Variants in HPD observed in about 807,000 individuals in gnomAD.
HPD encodes 4-hydroxyphenylpyruvic acid oxidase.
Under a neutral mutation model 56.9 loss-of-function variants are expected in HPD, and 35 were observed. The observed-to-expected ratio is 0.62, with a 90% CI of 0.47 to 0.82. HPD has a LOEUF of 0.82. HPD is among the 40% of genes least tolerant of loss of function. HPD has a pLI of 0.00. For missense variants in HPD, 442 were observed against 506.8 expected, an observed-to-expected ratio of 0.87 and a Z score of 1.23; for synonymous variants, 186 against 200.2, an observed-to-expected ratio of 0.93 and a Z score of 0.60.
chr12:121,869,901 C>T, the HPD span, among the ~76,000 whole-genome samples: 2 of 152,268 alleles, frequency 1.3e-5, no homozygotes, highest in South Asian at 4.1e-4. Flanking sequence ...ACCTGTTCTT[C>T]AGTCACTTGT....
rs777759281 is a variant in HPD at position 121,847,155 on chromosome 12, G to T, written c.656C>A (p.Thr219Lys). ...FWSVDDTQVHTEYSSLRSIVV... is the reference protein window; with the variant it reads ...FWSVDDTQVHKEYSSLRSIVV... ...AATGGATCGCAGAGAGCTATATTCCGTGTGCACCTGCGTGTCATCCACGGA... is the reference window on the plus strand; with the variant it reads ...AATGGATCGCAGAGAGCTATATTCCTTGTGCACCTGCGTGTCATCCACGGA... Residue 219 changes from threonine to lysine, a missense_variant, in exon 10 of 14, where the codon ACG (threonine) becomes AAG (lysine). Coordinates refer to ENST00000289004, the MANE Select transcript of HPD (RefSeq NM_002150.3). 1.2e-6 allele frequency: 2 copies of T among 1,613,942 alleles called. No homozygotes were observed. The highest frequency in any genetic ancestry group is 1.3e-5 in the African/African-American group (1 of 74,898).
chr12:121,869,243 A>C, the HPD span, among the ~76,000 whole-genome samples: 1 of 151,736 alleles, frequency 6.6e-6, no homozygotes, highest in Admixed American at 6.6e-5. Flanking sequence ...CCAGCTGCTC[A>C]GGAGACTGAG....
At position 121,856,645 on chromosome 12, in the gene HPD, A is replaced by G; in HGVS notation, c.199-20T>C. 1 of 1,613,710 alleles carries G rather than the reference A, an allele frequency of 6.2e-7. No individual in the cohort carries two copies. The highest frequency in any genetic ancestry group is 1.6e-4 in the Middle Eastern group (1 of 6,062). ...CACAATCTAAGATAGGAGGAGAAGG[A>G]GGTGAGGCTAGTGGCTCAGGGGGGC... On this transcript the variant is annotated intron_variant, in intron 4 of 13. Coordinates refer to ENST00000289004, the MANE Select transcript of HPD (RefSeq NM_002150.3).
chr12:121,859,099 C>A (rs1878108856), upstream of HPD: 1 of 534,110 alleles, frequency 1.9e-6, no homozygotes, highest in East Asian at 3.3e-5. Context: ...GCAAGCTTTT[C>A]CAGGACGCTG....
chr12:121,862,298 CTTT>C (rs1208844264), upstream of HPD, among the ~76,000 whole-genome samples: 5 of 140,302 alleles, frequency 3.6e-5, no homozygotes, highest in African/African-American at 5.2e-5. Flanking sequence ...CTCTGCATTT[CTTT>C]TTTTTTTTTT....
intron 9 of HPD, 24 bp downstream of exon 9, chr12:121,848,975 A>G: frequency 6.3e-7 from 1 of 1,586,536 alleles, no homozygotes; most frequent in Non-Finnish European, 8.7e-7. Context: ...ATCTTCACGC[A>G]GAGGGAGAGG....
chr12:121,843,970 C>G, intron 11 of HPD, 138 bp from the exon 12 acceptor site: 1 of 924,662 alleles, frequency 1.1e-6, no homozygotes, highest in Non-Finnish European at 1.7e-6. Context: ...TGGCCTCTTC[C>G]CCTTTCTTCT....
intron 7 of HPD, among the ~76,000 whole-genome samples, chr12:121,850,420 C>T (rs1185903905): frequency 1.5e-5 from 2 of 129,754 alleles, no homozygotes; most frequent in South Asian, 2.6e-4. Flanking sequence ...GAATGAGACT[C>T]CGTCTCAAAA....
chr12:121,880,805 GTTA>G, the HPD span, among the ~76,000 whole-genome samples: 1 of 151,850 alleles, frequency 6.6e-6, no homozygotes, highest in Admixed American at 6.6e-5. Flanking sequence ...TCTTATTATT[GTTA>G]TTATTTTCAA....
At chr12:121,846,806 A>T in intron 11 of HPD, 56 bp downstream of exon 11, 2 of 1,561,576 alleles carry the variant, frequency 1.3e-6, no homozygotes. Context: ...AATTTTGCAG[A>T]GATCGTCCCT....
intron 12 of HPD, 33 bp from the exon 13 acceptor site, chr12:121,840,081 G>A (rs1266325024): frequency 1.4e-6 from 2 of 1,413,324 alleles, no homozygotes; most frequent in Non-Finnish European, 1.0e-6. Context: ...TGCTAGGGGA[G>A]GCTGGCACGG....
At chr12:121,855,972 C>CAAAAA (rs57671436) in intron 6 of HPD, among the ~76,000 whole-genome samples, 71 of 64,012 alleles carry the variant, frequency 1.1e-3, no homozygotes, top group African/African-American at 2.2e-3. Flanking sequence ...CTCCGTCTCA[C>CAAAAA]AAAAAAAAAA....
At chr12:121,852,678 A>C (rs1877836398) in intron 7 of HPD, among the ~76,000 whole-genome samples, 2 of 113,152 alleles carry the variant, frequency 1.8e-5, no homozygotes, top group South Asian at 6.1e-4. Flanking sequence ...TCTGTCGCCC[A>C]GGCTGGAGTG....
At chr12:121,884,809 C>A in the HPD span, among the ~76,000 whole-genome samples, 5 of 151,964 alleles carry the variant, frequency 3.3e-5, no homozygotes, top group Admixed American at 6.5e-5. Flanking sequence ...AAATAATTTA[C>A]ATTTACAAAT....
At chr12:121,881,443 T>G in the HPD span, among the ~76,000 whole-genome samples, 1 of 152,090 alleles carries the variant, frequency 6.6e-6, no homozygotes, top group African/African-American at 2.4e-5. Flanking sequence ...CTGCCAGACG[T>G]TGTTTTAGCA....
the HPD span, among the ~76,000 whole-genome samples, chr12:121,878,728 T>C: frequency 6.6e-6 from 1 of 150,784 alleles, no homozygotes; most frequent in Non-Finnish European, 1.5e-5. Context: ...GGTTGGAGTG[T>C]AGTGACACCA....
the HPD span, among the ~76,000 whole-genome samples, chr12:121,881,268 T>C: frequency 6.6e-6 from 1 of 152,194 alleles, no homozygotes; most frequent in Admixed American, 6.6e-5. Flanking sequence ...CTTTTCCAAA[T>C]GCTTAATTAT....
chr12:121,842,786 C>T (rs12820413), intron 12 of HPD, among the ~76,000 whole-genome samples: 30,608 of 132,690 alleles, frequency 0.23, 3,782 homozygotes, highest in African/African-American at 0.35. Flanking sequence ...CTCACTGTGT[C>T]GCCCAGGCTG....
At chr12:121,840,079 G>T in intron 12 of HPD, 31 bp from the exon 13 acceptor site, 1 of 1,437,674 alleles carries the variant, frequency 7.0e-7, no homozygotes, top group South Asian at 1.1e-5. Context: ...TCTGCTAGGG[G>T]AGGCTGGCAC....
Sources: gnomAD v4.1 joint callset for allele counts (sites outside exome capture counted in the v4.1 genomes callset) on GRCh38, gnomAD v4.1.1 for gene constraint, MANE v1.5 for transcripts, NCBI Gene and HGNC (gene_info 2026-07-23, HGNC 2026-07-21) for gene names.